The following B3GALT1 variants were observed in gnomAD, a reference collection of about 807,000 sequenced individuals.
B3GALT1 encodes beta-1,3-galactosyltransferase 1.
A neutral mutation model predicts 23.2 loss-of-function variants in B3GALT1; 10 were observed. That is an observed-to-expected ratio of 0.43 (90% CI 0.27 to 0.73). B3GALT1 has a LOEUF of 0.73. B3GALT1 is among the 30% of genes least tolerant of loss of function. The probability of loss-of-function intolerance (pLI) is 0.21; values close to 1 mark genes in which losing one functional copy is unlikely to be tolerated. For synonymous variants in B3GALT1, 156 were observed against 141.5 expected, an observed-to-expected ratio of 1.10 and a Z score of -0.73; for missense variants, 299 against 405.4, an observed-to-expected ratio of 0.74 and a Z score of 2.25.
At chr2:167,774,425 C>G (rs1688122446) in intron 3 of B3GALT1, among the ~76,000 whole-genome samples, 1 of 150,558 alleles carries the variant, frequency 6.6e-6, no homozygotes, top group African/African-American at 2.4e-5. Context: ...CCTGAAGGAC[C>G]TAGTATCCTT....
intron 2 of B3GALT1, among the ~76,000 whole-genome samples, chr2:167,590,195 A>C (rs1014315449): frequency 2.6e-5 from 4 of 152,064 alleles, no homozygotes; most frequent in African/African-American, 9.7e-5. Flanking sequence ...AAATACAAAA[A>C]ATTAGCCGGG....
chr2:167,295,814 A>C (rs1174093965), intron 1 of B3GALT1, among the ~76,000 whole-genome samples: 2 of 151,024 alleles, frequency 1.3e-5, no homozygotes, highest in Non-Finnish European at 2.9e-5. Flanking sequence ...TGGAACTTTT[A>C]CTTGGAGGAA....
At chr2:167,340,313 GAAA>G (rs773710953) in intron 1 of B3GALT1, among the ~76,000 whole-genome samples, 39 of 87,376 alleles carry the variant, frequency 4.5e-4, no homozygotes, top group Admixed American at 1.9e-3. Context: ...GGTACAGGGA[GAAA>G]AAAAAAAAAA....
intron 1 of B3GALT1, among the ~76,000 whole-genome samples, chr2:167,297,509 A>G (rs189894355): frequency 2.2e-3 from 328 of 152,236 alleles, no homozygotes; most frequent in Non-Finnish European, 3.6e-3. Flanking sequence ...AACAATTTTC[A>G]AGTAAGCTTG....
At chr2:167,528,054 A>G (rs1284053600) in intron 2 of B3GALT1, among the ~76,000 whole-genome samples, 1 of 152,174 alleles carries the variant, frequency 6.6e-6, no homozygotes, top group East Asian at 1.9e-4. Flanking sequence ...GCAATATACC[A>G]TCAAGAGATG....
At chr2:167,432,780 C>G (rs1698724913) in intron 1 of B3GALT1, among the ~76,000 whole-genome samples, 1 of 152,144 alleles carries the variant, frequency 6.6e-6, no homozygotes, top group South Asian at 2.1e-4. Context: ...TCTTTTAGAG[C>G]AGCTTTAGGT....
chr2:167,453,252 G>A (rs78000324), intron 1 of B3GALT1, among the ~76,000 whole-genome samples: 4,692 of 152,172 alleles, frequency 0.031, 225 homozygotes, highest in African/African-American at 0.11. Flanking sequence ...TATGCCCTCC[G>A]GGACCCTTTG....
chr2:167,448,219 T>G (rs2105318283), intron 1 of B3GALT1, among the ~76,000 whole-genome samples: 1 of 152,294 alleles, frequency 6.6e-6, no homozygotes, highest in Admixed American at 6.5e-5. Flanking sequence ...TTAGTGGTTG[T>G]ACTAGTTTAC....
intron 1 of B3GALT1, among the ~76,000 whole-genome samples, chr2:167,414,676 A>G (rs1272086441): frequency 6.6e-6 from 1 of 152,194 alleles, no homozygotes; most frequent in African/African-American, 2.4e-5. Flanking sequence ...ATGAATGCAT[A>G]CTCAATCTTA....
intron 3 of B3GALT1, among the ~76,000 whole-genome samples, chr2:167,766,842 G>T (rs991628592): frequency 6.6e-6 from 1 of 152,060 alleles, no homozygotes; most frequent in Non-Finnish European, 1.5e-5. Context: ...ATCACTCTTG[G>T]CCCTCCAGAA....
chr2:167,574,924 G>A (rs1189249090), intron 2 of B3GALT1, among the ~76,000 whole-genome samples: 4 of 151,642 alleles, frequency 2.6e-5, no homozygotes, highest in Non-Finnish European at 4.4e-5. Flanking sequence ...CTTTTAAACC[G>A]TGTCTCCCCT....
At chr2:167,357,556 C>G (rs969111873) in intron 1 of B3GALT1, among the ~76,000 whole-genome samples, 1 of 152,180 alleles carries the variant, frequency 6.6e-6, no homozygotes, top group Admixed American at 6.5e-5. Context: ...TTTTCTTCCT[C>G]TTTTTGAAAA....
At chr2:167,514,687 A>T (rs1270745944) in intron 2 of B3GALT1, among the ~76,000 whole-genome samples, 2 of 152,216 alleles carry the variant, frequency 1.3e-5, no homozygotes, top group Admixed American at 6.5e-5. Context: ...AACTGCACAG[A>T]ATAATGATTA....
chr2:167,550,086 C>G (rs1367707860), intron 2 of B3GALT1, among the ~76,000 whole-genome samples: 1 of 152,168 alleles, frequency 6.6e-6, no homozygotes. Flanking sequence ...TTATCACTAA[C>G]TCTACGTTAA....
chr2:167,312,405 ATAAGT>A (rs1246950308), intron 1 of B3GALT1, among the ~76,000 whole-genome samples: 2 of 152,052 alleles, frequency 1.3e-5, no homozygotes, highest in African/African-American at 2.4e-5. Context: ...TAAGACTTTG[ATAAGT>A]TAAGGATGCA....
chr2:167,610,485 A>G (rs534885465), intron 2 of B3GALT1, among the ~76,000 whole-genome samples: 113 of 152,238 alleles, frequency 7.4e-4, no homozygotes, highest in African/African-American at 2.6e-3. Flanking sequence ...AATGTACACT[A>G]TTGCTATCCA....
rs73015831 is a variant in B3GALT1 at position 167,317,303 on chromosome 2, G to C, written c.-511+23969G>C. Among the ~76,000 whole-genome samples the C allele has an allele frequency of 4.1e-3, 626 of 152,218 alleles. 5 individuals are homozygous for C. The highest frequency in any genetic ancestry group is 0.015 in the African/African-American group (614 of 41,560). ...ATGGCATTTGAGTAGACAAAGGAGT[G>C]GACAAATCAGGCTTTGAAGGGAATC... On this transcript the variant is annotated intron_variant, in intron 1 of 4. Coordinates refer to ENST00000392690, the MANE Select transcript of B3GALT1 (RefSeq NM_020981.4).
At chr2:167,614,243 T>C (rs1277858162) in intron 2 of B3GALT1, among the ~76,000 whole-genome samples, 2 of 151,040 alleles carry the variant, frequency 1.3e-5, no homozygotes, top group African/African-American at 4.9e-5. Flanking sequence ...TGTCCCACAC[T>C]ATAGTATATG....
intron 3 of B3GALT1, among the ~76,000 whole-genome samples, chr2:167,701,977 G>A (rs564179560): frequency 4.6e-5 from 7 of 152,110 alleles, no homozygotes; most frequent in Admixed American, 3.3e-4. Context: ...GTCAGCTACC[G>A]CCCTGAGTTA....
Sources: allele counts gnomAD v4.1 joint callset (sites outside exome capture counted in the v4.1 genomes callset), GRCh38; gene constraint gnomAD v4.1.1; transcripts MANE v1.5; gene names NCBI Gene and HGNC (gene_info 2026-07-23, HGNC 2026-07-21).